Variants in DLG1 observed in about 807,000 individuals in gnomAD.
The protein encoded by DLG1 is disks large homolog 1.
DLG1 carries 42 observed loss-of-function variants against 123.4 expected under a neutral mutation model. That is an observed-to-expected ratio of 0.34 (90% CI 0.27 to 0.44). The LOEUF (loss-of-function observed/expected upper bound fraction) is 0.44. DLG1 is among the 20% of genes least tolerant of loss of function. The pLI is 1.00. For missense variants in DLG1, 942 were observed against 1,082.6 expected (o/e 0.87, Z 1.82); for synonymous variants, 317 against 356.2 (o/e 0.89, Z 1.24).
intron 4 of DLG1, among the ~76,000 whole-genome samples, chr3:197,246,745 T>C (rs780649432): frequency 3.9e-5 from 6 of 152,120 alleles, no homozygotes; most frequent in Non-Finnish European, 8.8e-5. Context: ...GGAATAGCGA[T>C]GGGTAGGTGT....
At chr3:197,247,079 A>G (rs1752088177) in intron 4 of DLG1, among the ~76,000 whole-genome samples, 1 of 152,178 alleles carries the variant, frequency 6.6e-6, no homozygotes, top group Non-Finnish European at 1.5e-5. Flanking sequence ...CCTCTTTTAA[A>G]CTTTGGACTT....
chr3:197,268,538 T>A lies in DLG1; in HGVS notation c.318+14141A>T, dbSNP rs866287001. ...GGGCTCAAGCAATTCTCCCACCTCA[T>A]CCTCCCACGTAGCTGGGACTACAGG... On this transcript the variant is annotated intron_variant, in intron 4 of 24. Coordinates refer to ENST00000667157, the MANE Select transcript of DLG1 (RefSeq NM_001366207.1). 2.6e-5 allele frequency among the ~76,000 whole-genome samples: 4 copies of A among 150,986 alleles called. No individual in the cohort carries two copies. In the South Asian group the frequency reaches 8.4e-4, roughly 32 times the overall value.
Position 197,082,109 on chromosome 3 carries a change from C to T in DLG1, c.1839-992G>A, listed in dbSNP as rs542514070. 1.1e-4 allele frequency among the ~76,000 whole-genome samples: 16 copies of T among 152,202 alleles called. No individual in the cohort carries two copies. The South Asian group carries it at 2.9e-3, about 28-fold the overall frequency. ...ATTTAAGTCTTGGCGCAGTGGCTCA[C>T]GCCTGTAATCCCAGCACTTTGGGAG... On this transcript the variant is annotated intron_variant, in intron 16 of 24. Coordinates refer to ENST00000667157, the MANE Select transcript of DLG1 (RefSeq NM_001366207.1).
chr3:197,053,147 C>A (rs191773797), intron 23 of DLG1, among the ~76,000 whole-genome samples: 1 of 152,230 alleles, frequency 6.6e-6, no homozygotes, highest in Non-Finnish European at 1.5e-5. Context: ...ATTATTGCTG[C>A]AGCTGGATGA....
At chr3:197,113,431 T>C (rs1299086546) in intron 13 of DLG1, among the ~76,000 whole-genome samples, 1 of 152,204 alleles carries the variant, frequency 6.6e-6, no homozygotes, top group African/African-American at 2.4e-5. Context: ...ACTTCATGTA[T>C]TTTGAAAGTA....
At chr3:197,172,229 C>T (rs1475650064) in intron 5 of DLG1, among the ~76,000 whole-genome samples, 2 of 151,924 alleles carry the variant, frequency 1.3e-5, no homozygotes, top group African/African-American at 2.4e-5. Flanking sequence ...GTGACGCTGG[C>T]GTAAACAAAT....
At chr3:197,047,060 C>A (rs1490219854) in intron 24 of DLG1, among the ~76,000 whole-genome samples, 2 of 152,146 alleles carry the variant, frequency 1.3e-5, no homozygotes, top group Non-Finnish European at 2.9e-5. Context: ...TGAGCCTCCG[C>A]TGGATCCTGC....
intron 16 of DLG1, among the ~76,000 whole-genome samples, chr3:197,084,553 G>A (rs956007238): frequency 4.0e-4 from 61 of 151,472 alleles, no homozygotes; most frequent in East Asian, 1.9e-4. Context: ...CTCGTGATCC[G>A]CCCACCTCGG....
At chr3:197,107,270 T>C (rs1767010772) in intron 13 of DLG1, among the ~76,000 whole-genome samples, 1 of 151,852 alleles carries the variant, frequency 6.6e-6, no homozygotes, top group Admixed American at 6.6e-5. Context: ...ACTGGCCAGG[T>C]GTGGTGGCTC....
chr3:197,269,930 A>T (rs1220885985), intron 4 of DLG1, among the ~76,000 whole-genome samples: 1 of 152,210 alleles, frequency 6.6e-6, no homozygotes, highest in Non-Finnish European at 1.5e-5. Context: ...CTATTAATAC[A>T]ATATTTTGCA....
At chr3:197,136,194 C>T (rs1299938148) in intron 10 of DLG1, 4 of 165,286 alleles carry the variant, frequency 2.4e-5, no homozygotes, top group South Asian at 1.7e-4. Flanking sequence ...TGGGTAATTA[C>T]TAGGTTTCAT....
intron 4 of DLG1, chr3:197,226,404 G>C (rs1280094991): frequency 6.6e-6 from 1 of 152,164 alleles, no homozygotes; most frequent in Admixed American, 6.5e-5. Flanking sequence ...TGGCTGCTTT[G>C]GGGGAGGGGC....
chr3:197,296,239 G>GA (rs1777300216), intron 3 of DLG1, 107 bp downstream of exon 3: 1 of 1,093,662 alleles, frequency 9.1e-7, no homozygotes, highest in Non-Finnish European at 1.3e-6. Flanking sequence ...TCAAGTTACC[G>GA]AATGCCTCAG....
intron 14 of DLG1, among the ~76,000 whole-genome samples, chr3:197,094,839 T>C (rs1579048230): frequency 6.6e-6 from 1 of 152,212 alleles, no homozygotes; most frequent in African/African-American, 2.4e-5. Flanking sequence ...CACTCCATTG[T>C]CTTCTATAAA....
chr3:197,259,624 A>G (rs1758457430), intron 4 of DLG1, among the ~76,000 whole-genome samples: 2 of 152,332 alleles, frequency 1.3e-5, no homozygotes, highest in Middle Eastern at 3.4e-3. Flanking sequence ...CGCTGAATCT[A>G]TAACACCATC....
intron 4 of DLG1, among the ~76,000 whole-genome samples, chr3:197,227,436 C>A (rs1227596916): frequency 1.3e-5 from 2 of 151,884 alleles, no homozygotes; most frequent in Non-Finnish European, 2.9e-5. Flanking sequence ...GATTGCGCCA[C>A]TGCACTCCAG....
At chr3:197,076,465 C>T in intron 18 of DLG1, 121 bp downstream of exon 18, 1 of 651,442 alleles carries the variant, frequency 1.5e-6, no homozygotes, top group Non-Finnish European at 2.6e-6. Flanking sequence ...TTAAGTTGCC[C>T]TTGAAGACAA....
intron 4 of DLG1, among the ~76,000 whole-genome samples, chr3:197,237,141 C>T (rs546419723): frequency 7.9e-5 from 12 of 152,218 alleles, no homozygotes; most frequent in Non-Finnish European, 1.5e-4. Flanking sequence ...TGAGGGCTTC[C>T]AATTGAAAGA....
intron 15 of DLG1, among the ~76,000 whole-genome samples, chr3:197,089,750 G>A (rs986357650): frequency 2.0e-5 from 3 of 151,878 alleles, no homozygotes; most frequent in Non-Finnish European, 4.4e-5. Context: ...AAAGAGAGTA[G>A]AAAAATCCAT....
Sources: allele counts gnomAD v4.1 joint callset (sites outside exome capture counted in the v4.1 genomes callset), GRCh38; gene constraint gnomAD v4.1.1; transcripts MANE v1.5; gene names NCBI Gene and HGNC (gene_info 2026-07-23, HGNC 2026-07-21).